FOXP2: variants seen among roughly 807,000 people sequenced by gnomAD.
FOXP2 encodes the protein forkhead box P2.
Under a neutral mutation model 115.8 loss-of-function variants are expected in FOXP2, and 12 were observed. The observed-to-expected ratio is 0.10, with a 90% CI of 0.07 to 0.17. The LOEUF (loss-of-function observed/expected upper bound fraction) is 0.17, where lower values mean the gene tolerates loss of function less well. FOXP2 is among the 10% of genes least tolerant of loss of function. FOXP2 has a pLI of 1.00. For missense variants in FOXP2, 629 were observed against 843.5 expected, an observed-to-expected ratio of 0.75 and a Z score of 3.15; for synonymous variants, 328 against 297.7, an observed-to-expected ratio of 1.10 and a Z score of -1.05.
At chr7:114,580,069 T>A (rs1383662725) in intron 3 of FOXP2, among the ~76,000 whole-genome samples, 3 of 152,198 alleles carry the variant, frequency 2.0e-5, no homozygotes, top group Non-Finnish European at 4.4e-5. Context: ...AGTGCCTTTT[T>A]AAAAGGACCT....
chr7:114,593,678 T>C (rs951278813), intron 3 of FOXP2, among the ~76,000 whole-genome samples: 1 of 152,006 alleles, frequency 6.6e-6, no homozygotes, highest in African/African-American at 2.4e-5. Context: ...CCAGATCTCC[T>C]TTTTGCAGAG....
chr7:114,551,212 C>A (rs879336962), intron 3 of FOXP2, among the ~76,000 whole-genome samples: 3 of 152,156 alleles, frequency 2.0e-5, no homozygotes, highest in Non-Finnish European at 2.9e-5. Flanking sequence ...TATTCTCAAT[C>A]AATCCATCAA....
chr7:114,330,531 T>G (rs1797681172), intron 2 of FOXP2, among the ~76,000 whole-genome samples: 1 of 150,078 alleles, frequency 6.7e-6, no homozygotes, highest in Non-Finnish European at 1.5e-5. Flanking sequence ...CACACAATTT[T>G]TATATATACA....
intron 3 of FOXP2, among the ~76,000 whole-genome samples, chr7:114,562,029 A>C (rs1308494094): frequency 6.6e-6 from 1 of 152,046 alleles, no homozygotes; most frequent in Non-Finnish European, 1.5e-5. Flanking sequence ...GTTCTCTTGC[A>C]CCATACTCTC....
intron 2 of FOXP2, among the ~76,000 whole-genome samples, chr7:114,302,117 C>T (rs1004520093): frequency 6.6e-6 from 1 of 152,160 alleles, no homozygotes; most frequent in African/African-American, 2.4e-5. Flanking sequence ...ATCATGATTA[C>T]TTAACAATAT....
chr7:114,383,216 G>A (rs182893507), intron 2 of FOXP2, among the ~76,000 whole-genome samples: 1 of 152,112 alleles, frequency 6.6e-6, no homozygotes, highest in African/African-American at 2.4e-5. Context: ...CATCAATATA[G>A]CCATCAGGGT....
chr7:114,597,420 T>G (rs1337096559), intron 3 of FOXP2, among the ~76,000 whole-genome samples: 1 of 152,154 alleles, frequency 6.6e-6, no homozygotes, highest in East Asian at 1.9e-4. Context: ...ATTCCAATGT[T>G]ATATACATTA....
Position 114,108,208 on chromosome 7 carries a change from C to G in FOXP2, c.-247+20370C>G, listed in dbSNP as rs538927371. Among the ~76,000 whole-genome samples the G allele has an allele frequency of 3.8e-4, 57 of 151,872 alleles. 1 individual carries two copies. Among genetic ancestry groups the G allele is most frequent in the South Asian group, 3.7e-3 (18 of 4,808 alleles). ...AGGACACATCCATTTTTGTTTGTTA[C>G]CTTCAGTGTTGGTCTTTTTAGAATT... is the stretch of plus-strand genomic sequence containing the variant. On this transcript the variant is annotated intron_variant, in intron 1 of 19. Transcript: ENST00000635638.
intron 3 of FOXP2, among the ~76,000 whole-genome samples, chr7:114,610,873 G>A (rs1398857584): frequency 1.3e-5 from 2 of 151,860 alleles, no homozygotes; most frequent in Admixed American, 6.6e-5. Flanking sequence ...GGGCTCAAGC[G>A]ATCCTCCTGC....
chr7:114,463,647 T>TA (rs1481602468), intron 2 of FOXP2, among the ~76,000 whole-genome samples: 11 of 152,108 alleles, frequency 7.2e-5, no homozygotes, highest in Non-Finnish European at 7.4e-5. Flanking sequence ...TTTTTCTAAG[T>TA]AAAAAAATAC....
At chr7:114,677,496 G>A (rs768162923) in intron 16 of FOXP2, among the ~76,000 whole-genome samples, 6 of 152,154 alleles carry the variant, frequency 3.9e-5, no homozygotes, top group Non-Finnish European at 7.4e-5. Flanking sequence ...ACTTAGTCTT[G>A]AGTAAGGAGA....
At chr7:114,214,319 A>T (rs544145685) in intron 1 of FOXP2, among the ~76,000 whole-genome samples, 134 of 152,172 alleles carry the variant, frequency 8.8e-4, no homozygotes, top group Non-Finnish European at 1.5e-3. Flanking sequence ...ACACAAGTGG[A>T]CACATTTTTA....
At chr7:114,404,367 C>T (rs144297687) in intron 2 of FOXP2, among the ~76,000 whole-genome samples, 9 of 152,062 alleles carry the variant, frequency 5.9e-5, no homozygotes, top group Admixed American at 1.3e-4. Flanking sequence ...TTAAAAAGTA[C>T]GTAAAATAAG....
At chr7:114,097,804 TC>T (rs2129140133) in intron 1 of FOXP2, among the ~76,000 whole-genome samples, 1 of 152,360 alleles carries the variant, frequency 6.6e-6, no homozygotes, top group South Asian at 2.1e-4. Context: ...GATTGCTAGT[TC>T]TTACAGAAGA....
At chr7:114,536,378 G>A (rs1489216097) in intron 3 of FOXP2, among the ~76,000 whole-genome samples, 6 of 147,984 alleles carry the variant, frequency 4.1e-5, no homozygotes. Flanking sequence ...AAGAATGGCT[G>A]GGCTTTAGTT....
intron 1 of FOXP2, among the ~76,000 whole-genome samples, chr7:114,216,215 C>A (rs549059779): frequency 6.6e-6 from 1 of 152,254 alleles, no homozygotes; most frequent in Admixed American, 6.5e-5. Context: ...GATCAAAAGT[C>A]GCCTCATGAA....
intron 2 of FOXP2, among the ~76,000 whole-genome samples, chr7:114,459,589 G>T (rs1371971642): frequency 6.6e-6 from 1 of 151,990 alleles, no homozygotes. Flanking sequence ...TGTTGTTATT[G>T]TTTCTTTGGT....
rs546574137 is a variant in FOXP2, at chr7:114,340,883, C to T, written c.-11+52774C>T. Among the ~76,000 whole-genome samples the T allele has an allele frequency of 5.3e-5, 8 of 151,112 alleles. No individual in the cohort carries two copies. The South Asian group carries it at 1.7e-3, about 31-fold the overall frequency. On this transcript the variant is annotated intron_variant, in intron 2 of 17. Transcript: ENST00000634411. The stretch of plus-strand genomic sequence containing the variant: ...AACATTCTGTGTTTGGATGGATTAT[C>T]TTAATGGATGATATTTGAATACATA...
intron 1 of FOXP2, among the ~76,000 whole-genome samples, chr7:114,126,024 T>A (rs1173238456): frequency 1.3e-5 from 2 of 152,138 alleles, no homozygotes; most frequent in East Asian, 3.9e-4. Context: ...GGTAGTATGC[T>A]AGGTCTTAGG....
Sources: allele counts gnomAD v4.1 joint callset (sites outside exome capture counted in the v4.1 genomes callset), GRCh38; gene constraint gnomAD v4.1.1; transcripts MANE v1.5; gene names NCBI Gene and HGNC (gene_info 2026-07-23, HGNC 2026-07-21).